WWOX: variants seen among roughly 807,000 people sequenced by gnomAD.
WWOX encodes the protein WW domain containing oxidoreductase.
A neutral mutation model predicts 46.2 loss-of-function variants in WWOX; 69 were observed. The ratio of observed to expected loss-of-function variants is 1.49; its 90% CI spans 1.23 to 1.82. The LOEUF is 1.82. WWOX is among the 40% of genes most tolerant of loss of function. WWOX has a pLI of 0.00. For missense variants in WWOX, 919 were observed against 542.6 expected, an observed-to-expected ratio of 1.69 and a Z score of -6.89; for synonymous variants, 359 against 202.6, an observed-to-expected ratio of 1.77 and a Z score of -6.56.
intron 8 of WWOX, among the ~76,000 whole-genome samples, chr16:79,094,989 G>A (rs1290463563): frequency 1.3e-5 from 2 of 152,098 alleles, no homozygotes; most frequent in East Asian, 3.9e-4. Context: ...CACAGGAGGG[G>A]CGACATGGTT....
At chr16:78,759,514 A>T (rs2049738553) in intron 8 of WWOX, among the ~76,000 whole-genome samples, 1 of 152,144 alleles carries the variant, frequency 6.6e-6, no homozygotes, top group African/African-American at 2.4e-5. Context: ...ATCAAGGAGC[A>T]GTGGGTGAGC....
At chr16:78,490,489 G>T (rs1339789902) in intron 8 of WWOX, among the ~76,000 whole-genome samples, 1 of 152,130 alleles carries the variant, frequency 6.6e-6, no homozygotes, top group African/African-American at 2.4e-5. Flanking sequence ...TCTATTTACG[G>T]TTTTCACAAG....
chr16:78,143,344 C>T (rs916646372), intron 4 of WWOX, among the ~76,000 whole-genome samples: 3 of 152,128 alleles, frequency 2.0e-5, no homozygotes, highest in African/African-American at 4.8e-5. Flanking sequence ...GTCATCTTCA[C>T]GTCTTTAGTT....
intron 8 of WWOX, among the ~76,000 whole-genome samples, chr16:79,025,775 CGTTTT>C (rs72009646): frequency 0.042 from 5,313 of 126,170 alleles, 820 homozygotes; most frequent in African/African-American, 0.08. Context: ...CCCCTGTTGC[CGTTTT>C]CTTTGCTTTG....
Position 78,849,429 on chromosome 16 carries a change from C to T in WWOX, c.1057-362179C>T, listed in dbSNP as rs368268312. Among the ~76,000 whole-genome samples, 5 of 151,914 alleles carry T rather than the reference C, an allele frequency of 3.3e-5. No homozygotes were observed. The South Asian group carries it at 1.0e-3, about 32-fold the overall frequency. On this transcript the variant is annotated intron_variant, in intron 8 of 8. Coordinates refer to ENST00000566780, the MANE Select transcript of WWOX (RefSeq NM_016373.4). ...TATTAAAAATACAAAAAAAAATTAG[C>T]CAGGCCTGGTGGCGGGCGCCTGTAG...
At chr16:78,406,868 C>G (rs766461360) in intron 6 of WWOX, among the ~76,000 whole-genome samples, 1 of 152,116 alleles carries the variant, frequency 6.6e-6, no homozygotes, top group Non-Finnish European at 1.5e-5. Context: ...TCAAGTGATC[C>G]GCCCGCTTCA....
At chr16:79,192,108 A>G (rs901909714) in intron 8 of WWOX, among the ~76,000 whole-genome samples, 2 of 152,236 alleles carry the variant, frequency 1.3e-5, no homozygotes, top group African/African-American at 4.8e-5. Flanking sequence ...CAGATAATGT[A>G]GTTAACACCT....
At chr16:78,628,770 G>C (rs1343497187) in intron 8 of WWOX, among the ~76,000 whole-genome samples, 1 of 152,266 alleles carries the variant, frequency 6.6e-6, no homozygotes, top group East Asian at 1.9e-4. Context: ...GAAAGGAAGA[G>C]GAGAGACCTT....
In WWOX at chr16:78,854,877, A is replaced by C. The variant is rs141425756; in HGVS notation, c.1057-356731A>C. 5.7e-3 allele frequency among the ~76,000 whole-genome samples: 843 copies of C among 148,762 alleles called. 3 individuals are homozygous for C. The highest frequency in any genetic ancestry group is 7.6e-3 in the African/African-American group (310 of 40,638). On this transcript the variant is annotated intron_variant, in intron 8 of 8. Coordinates refer to ENST00000566780, the MANE Select transcript of WWOX (RefSeq NM_016373.4). ...GATTAGAGGCCTGAGCCACCGCGCC[A>C]GCTCTATTTGCTGATTTTTGAACAG... is the stretch of plus-strand genomic sequence containing the variant.
At chr16:78,931,321 GTCT>G (rs991801740) in intron 8 of WWOX, among the ~76,000 whole-genome samples, 8 of 152,170 alleles carry the variant, frequency 5.3e-5, no homozygotes, top group Non-Finnish European at 7.4e-5. Flanking sequence ...GTCAAAGAAG[GTCT>G]TCTTCTCTTT....
chr16:78,121,049 C>A (rs1317223383), intron 4 of WWOX, among the ~76,000 whole-genome samples: 1 of 151,990 alleles, frequency 6.6e-6, no homozygotes, highest in South Asian at 2.1e-4. Flanking sequence ...TACATTTAGT[C>A]ATTTTCATGG....
intron 5 of WWOX, among the ~76,000 whole-genome samples, chr16:78,330,915 C>G (rs1367373662): frequency 5.3e-5 from 8 of 152,204 alleles, no homozygotes; most frequent in Non-Finnish European, 8.8e-5. Context: ...CAGTTAGTCT[C>G]TCCACTTTAT....
intron 8 of WWOX, among the ~76,000 whole-genome samples, chr16:79,046,458 G>A (rs1019541258): frequency 2.0e-5 from 3 of 152,152 alleles, no homozygotes; most frequent in African/African-American, 7.2e-5. Flanking sequence ...CTGGAGACTG[G>A]GAAGTCTAAG....
intron 8 of WWOX, among the ~76,000 whole-genome samples, chr16:78,682,977 A>C (rs2047765103): frequency 6.6e-6 from 1 of 152,158 alleles, no homozygotes; most frequent in Admixed American, 6.5e-5. Context: ...CTGTGAGGAT[A>C]ACACTTCTAA....
At chr16:78,917,579 TCAAA>T (rs1441729612) in intron 8 of WWOX, among the ~76,000 whole-genome samples, 1 of 152,052 alleles carries the variant, frequency 6.6e-6, no homozygotes, top group Non-Finnish European at 1.5e-5. Flanking sequence ...ACTGCCACAA[TCAAA>T]CATATTTTCA....
chr16:79,132,779 C>T (rs1041142762), intron 8 of WWOX, among the ~76,000 whole-genome samples: 3 of 152,186 alleles, frequency 2.0e-5, no homozygotes, highest in African/African-American at 7.2e-5. Flanking sequence ...TTTGAATATG[C>T]TTGTACTGAT....
chr16:78,582,279 A>G (rs931375513), intron 8 of WWOX, among the ~76,000 whole-genome samples: 1 of 152,156 alleles, frequency 6.6e-6, no homozygotes, highest in African/African-American at 2.4e-5. Context: ...TTTGATAGCA[A>G]TTGCTGTTGG....
intron 8 of WWOX, among the ~76,000 whole-genome samples, chr16:79,153,392 C>G (rs1446571378): frequency 6.6e-6 from 1 of 152,144 alleles, no homozygotes; most frequent in Non-Finnish European, 1.5e-5. Context: ...GCTGTGGGTA[C>G]TTACTTAGGG....
At chr16:79,025,179 G>C (rs933187088) in intron 8 of WWOX, among the ~76,000 whole-genome samples, 1 of 152,090 alleles carries the variant, frequency 6.6e-6, no homozygotes, top group Non-Finnish European at 1.5e-5. Flanking sequence ...CCCCTGTGTC[G>C]GACTTGTTTC....
Sources: gnomAD v4.1 joint callset for allele counts (sites outside exome capture counted in the v4.1 genomes callset) on GRCh38, gnomAD v4.1.1 for gene constraint, MANE v1.5 for transcripts, NCBI Gene and HGNC (gene_info 2026-07-23, HGNC 2026-07-21) for gene names.